The following TRPM7 variants were observed in gnomAD, a reference collection of about 807,000 sequenced individuals.
TRPM7 encodes the protein transient receptor potential cation channel subfamily M member 7.
TRPM7 carries 134 observed loss-of-function variants against 229.7 expected under a neutral mutation model. The observed-to-expected ratio is 0.58, with a 90% CI of 0.51 to 0.67. TRPM7 has a LOEUF of 0.67. Ranked by LOEUF, TRPM7 falls within the 30% of genes least tolerant of loss-of-function variation. TRPM7 has a pLI of 0.00. For missense variants in TRPM7, 1,901 were observed against 2,210.0 expected (o/e 0.86, Z 2.80); for synonymous variants, 699 against 715.2 (o/e 0.98, Z 0.36).
intron 1 of TRPM7, among the ~76,000 whole-genome samples, chr15:50,667,631 C>T (rs2061913520): frequency 6.6e-6 from 1 of 152,172 alleles, no homozygotes; most frequent in South Asian, 2.1e-4. Flanking sequence ...CGCTTGAACC[C>T]AGGAGGTGGA....
intron 3 of TRPM7, among the ~76,000 whole-genome samples, chr15:50,652,989 T>C (rs972974723): frequency 3.9e-5 from 6 of 152,112 alleles, no homozygotes; most frequent in Non-Finnish European, 8.8e-5. Context: ...GCAAAACTCC[T>C]TCTCTACAAA....
Position 50,624,252 on chromosome 15 carries a change from C to T in TRPM7, c.1354G>A (p.Val452Ile). The change falls in exon 12 of 39, where the codon GTT becomes ATT. Residue 452 changes from valine (V) to isoleucine (I), a missense_variant. Val to Ile is a conservative substitution (Grantham distance 29). Around this residue, in one of 8 missense-constraint regions of TRPM7, gnomAD observed 794 missense variants for 881.9 expected, o/e 0.90. Transcript: ENST00000646667. ...TCAATAAGAAGTTTTACAAATGCAA[C>T]TCTATCCATTACAAGAGCATCAAGC... ...AMLDALVMDR[V>I]AFVKLLIENG... The T allele has an allele frequency of 6.2e-7, 1 of 1,612,632 alleles. No individual in the cohort carries two copies. The highest frequency in any genetic ancestry group is 8.5e-7 in the Non-Finnish European group (1 of 1,179,304).
intron 4 of TRPM7, among the ~76,000 whole-genome samples, chr15:50,645,707 T>C (rs1013134257): frequency 2.0e-5 from 3 of 152,318 alleles, no homozygotes; most frequent in East Asian, 1.9e-4. Flanking sequence ...TAAAGTAGTA[T>C]TAGAGAAGCA....
At chr15:50,652,927 C>A (rs1022329849) in intron 3 of TRPM7, among the ~76,000 whole-genome samples, 1 of 152,144 alleles carries the variant, frequency 6.6e-6, no homozygotes, top group African/African-American at 2.4e-5. Flanking sequence ...TTTGAGAGGC[C>A]AAAGTGGAAG....
At chr15:50,625,548 T>G (rs980687042) in intron 11 of TRPM7, among the ~76,000 whole-genome samples, 14 of 152,040 alleles carry the variant, frequency 9.2e-5, no homozygotes, top group African/African-American at 3.4e-4. Flanking sequence ...AGCTAAGAAC[T>G]ACAGGTGTGT....
intron 1 of TRPM7, 34 bp downstream of exon 1, chr15:50,686,497 C>A: frequency 6.2e-7 from 1 of 1,614,080 alleles, no homozygotes; most frequent in East Asian, 2.2e-5. Flanking sequence ...AACCCCAGAA[C>A]CATTCCCCGC....
intron 30 of TRPM7, among the ~76,000 whole-genome samples, chr15:50,580,265 T>C (rs989267291): frequency 2.0e-5 from 3 of 152,196 alleles, no homozygotes; most frequent in Non-Finnish European, 2.9e-5. Context: ...TACTAATTCC[T>C]AGGATGGAAA....
chr15:50,589,808 T>G (rs2059438377), intron 26 of TRPM7, 152 bp from the exon 27 acceptor site: 4 of 495,790 alleles, frequency 8.1e-6, no homozygotes, highest in Non-Finnish European at 1.4e-5. Flanking sequence ...TTTTGATAAA[T>G]AAAATTGAAA....
At chr15:50,579,720 A>C (rs1307008464) in intron 30 of TRPM7, among the ~76,000 whole-genome samples, 1 of 152,150 alleles carries the variant, frequency 6.6e-6, no homozygotes, top group Non-Finnish European at 1.5e-5. Flanking sequence ...CAGGAAACTC[A>C]ATTTGAGCAG....
rs1231663415 is a variant in TRPM7 at position 50,574,700 on chromosome 15, G to A, written c.5039C>T (p.Ala1680Val). 6.2e-7 allele frequency: 1 copy of A among 1,613,736 alleles called. No individual in the cohort carries two copies. Among genetic ancestry groups the A allele is most frequent in the Non-Finnish European group, 8.5e-7 (1 of 1,179,904 alleles). The change falls in exon 35 of 39, where the codon GCA becomes GTA. Residue 1680 changes from alanine (A) to valine (V), a missense_variant. Coordinates refer to ENST00000646667, the MANE Select transcript of TRPM7 (RefSeq NM_017672.6). ...LCLREIQQQRAAQKLTFAFNQ... is the reference protein window; with the variant it reads ...LCLREIQQQRVAQKLTFAFNQ... ...AAAGGCAAACGTAAGCTTTTGTGCTGCTCTCTGTTGTTGAATTTCCTATAA... is the reference window on the plus strand; with the variant it reads ...AAAGGCAAACGTAAGCTTTTGTGCTACTCTCTGTTGTTGAATTTCCTATAA...
At chr15:50,654,339 C>A (rs1019067921) in intron 3 of TRPM7, among the ~76,000 whole-genome samples, 3 of 150,920 alleles carry the variant, frequency 2.0e-5, no homozygotes, top group Non-Finnish European at 3.0e-5. Flanking sequence ...CCCAGCTACT[C>A]GGGAGGCTAA....
intron 23 of TRPM7, among the ~76,000 whole-genome samples, chr15:50,596,038 T>C (rs1027891488): frequency 5.9e-5 from 9 of 152,242 alleles, no homozygotes; most frequent in African/African-American, 2.2e-4. Flanking sequence ...AACGATTAAA[T>C]TTATAAAGAA....
chr15:50,578,562 G>T, intron 31 of TRPM7, 77 bp downstream of exon 31: 1 of 1,415,120 alleles, frequency 7.1e-7, no homozygotes, highest in Non-Finnish European at 9.9e-7. Context: ...ATCTTACCTA[G>T]AATAATGTGG....
chr15:50,642,291 A>C (rs1217614329), intron 5 of TRPM7, among the ~76,000 whole-genome samples: 1 of 152,198 alleles, frequency 6.6e-6, no homozygotes, highest in African/African-American at 2.4e-5. Context: ...CTAAAAGGCT[A>C]AACAGTATAA....
chr15:50,602,882 A>C (rs780951548), intron 21 of TRPM7, among the ~76,000 whole-genome samples: 1 of 152,214 alleles, frequency 6.6e-6, no homozygotes, highest in Non-Finnish European at 1.5e-5. Flanking sequence ...GGGTGGTTCT[A>C]GAGAAGATCA....
At position 50,686,526 on chromosome 15, in the gene TRPM7, A is replaced by C. The variant is rs990667193; in HGVS notation, c.3+5T>G. 6.2e-7 allele frequency: 1 copy of C among 1,612,470 alleles called. No individual in the cohort carries two copies. ...TCCCCGCCCGGGCCTGCGTGGGTCC[A>C]GTACCATTCTCCTCACGGGGCGGAC... On this transcript the variant is annotated splice_donor_5th_base_variant and intron_variant, in intron 1 of 38. Transcript: ENST00000646667.
At chr15:50,584,057 A>G (rs2054563332) in intron 28 of TRPM7, among the ~76,000 whole-genome samples, 1 of 152,224 alleles carries the variant, frequency 6.6e-6, no homozygotes, top group African/African-American at 2.4e-5. Flanking sequence ...CCAATTTATG[A>G]TAATACCTTT....
intron 38 of TRPM7, among the ~76,000 whole-genome samples, chr15:50,566,530 T>C (rs903174399): frequency 6.6e-6 from 1 of 152,084 alleles, no homozygotes; most frequent in Non-Finnish European, 1.5e-5. Flanking sequence ...ACCCTGACTC[T>C]ACTAAAAGTA....
At chr15:50,580,638 C>T (rs2054354361) in intron 30 of TRPM7, among the ~76,000 whole-genome samples, 2 of 152,024 alleles carry the variant, frequency 1.3e-5, no homozygotes, top group Admixed American at 1.3e-4. Flanking sequence ...ATTAGGAAGA[C>T]CTTAGTAGAG....
Sources: gnomAD v4.1 joint callset for allele counts (sites outside exome capture counted in the v4.1 genomes callset) on GRCh38, gnomAD v4.1.1 for gene constraint, gnomAD v4.1.1 regional missense constraint, MANE v1.5 for transcripts, NCBI Gene and HGNC (gene_info 2026-07-23, HGNC 2026-07-21) for gene names.